The following DST variants were observed in gnomAD, a reference collection of about 807,000 sequenced individuals.
The protein encoded by DST is bullous pemphigoid antigen.
In DST, 253 loss-of-function variants were observed where a neutral mutation model predicts 875.2. That is an observed-to-expected ratio of 0.29 (90% confidence interval 0.26 to 0.32). The LOEUF (loss-of-function observed/expected upper bound fraction) is 0.32, where lower values mean the gene tolerates loss of function less well. Ranked by LOEUF, DST falls within the 10% of genes least tolerant of loss-of-function variation. The pLI, the probability that DST is intolerant of heterozygous loss-of-function variation, is 1.00. For synonymous variants in DST, 3,124 were observed against 3,197.1 expected (o/e 0.98, Z 0.77); for missense variants, 8,287 against 9,111.6 (o/e 0.91, Z 3.68).
intron 2 of DST, among the ~76,000 whole-genome samples, chr6:56,910,545 C>T (rs1592370004): frequency 6.6e-6 from 1 of 152,050 alleles, no homozygotes; most frequent in Non-Finnish European, 1.5e-5. Flanking sequence ...AGTACAGTGG[C>T]ATGCTGTCAG....
chr6:56,880,633 G>A (rs1307772316), intron 3 of DST, among the ~76,000 whole-genome samples: 2 of 150,188 alleles, frequency 1.3e-5, no homozygotes, highest in African/African-American at 2.5e-5. Context: ...GTTGCAGTGA[G>A]CCAAGATCAC....
At chr6:56,885,369 A>AT (rs1366480373) in intron 3 of DST, among the ~76,000 whole-genome samples, 1 of 152,220 alleles carries the variant, frequency 6.6e-6, no homozygotes, top group African/African-American at 2.4e-5. Context: ...TGATAATGCT[A>AT]TTTTTTAATT....
chr6:56,710,036 C>T (rs2099356912), intron 5 of DST, among the ~76,000 whole-genome samples: 1 of 152,138 alleles, frequency 6.6e-6, no homozygotes, highest in South Asian at 2.1e-4. Context: ...TTGAACTTTT[C>T]CTACACAAAG....
At chr6:56,942,967 C>T (rs890151443) in intron 2 of DST, among the ~76,000 whole-genome samples, 4 of 152,042 alleles carry the variant, frequency 2.6e-5, no homozygotes, top group Admixed American at 6.6e-5. Flanking sequence ...GCAATTCTCC[C>T]GCATCTGCCT....
At chr6:56,934,605 A>C in intron 2 of DST, among the ~76,000 whole-genome samples, 1 of 118,268 alleles carries the variant, frequency 8.5e-6, no homozygotes. Flanking sequence ...GAGAGAGAGA[A>C]GGAGGGGAGA....
intron 3 of DST, among the ~76,000 whole-genome samples, chr6:56,875,571 T>A (rs1779288427): frequency 6.6e-6 from 1 of 152,198 alleles, no homozygotes; most frequent in African/African-American, 2.4e-5. Flanking sequence ...TATTTTGGAA[T>A]CAATAACATG....
chr6:56,633,002 A>T lies in DST; in HGVS notation c.3657T>A (p.Val1219=), dbSNP rs1313188681. The T allele has an allele frequency of 6.2e-7, 1 of 1,613,884 alleles. No homozygotes were observed. The highest frequency in any genetic ancestry group is 2.2e-5 in the East Asian group (1 of 44,852). ...CAAAACGAGATTGTAGATTACTTAG[A>T]ACTTGCTGATGTTCACCAGGTAGCA... ...KTMLPGEHQQ[V]LSNLQSRFED... Residue 1219 remains valine (V), a synonymous_variant, in exon 28 of 104, where the codon GTT becomes GTA. Transcript: ENST00000680361.
At chr6:56,614,720 TC>T in intron 36 of DST, 1 of 1,126,232 alleles carries the variant, frequency 8.9e-7, no homozygotes, top group Middle Eastern at 3.7e-4. Flanking sequence ...TGGTCTAACC[TC>T]CCAGCTGTTC....
chr6:56,530,031 A>G lies in DST; in HGVS notation c.17211T>C (p.Asn5737=), dbSNP rs2096867992. Reference sequence around the variant, plus strand: ...ATGCTTGGGTTCCTATGGGTTCACAATTCACCAGCCTCTTTTCTATGGTTG... The same window carrying G: ...ATGCTTGGGTTCCTATGGGTTCACAGTTCACCAGCCTCTTTTCTATGGTTG... ...WLTTIEKRLV[N]CEPIGTQASK... Residue 5737 remains asparagine, a synonymous_variant, in exon 65 of 104, where the codon AAT becomes AAC. Coordinates refer to ENST00000680361, the MANE Select transcript of DST (RefSeq NM_001374736.1). The G allele has an allele frequency of 1.2e-6, 2 of 1,613,418 alleles. No individual in the cohort carries two copies. Among genetic ancestry groups the G allele is most frequent in the Non-Finnish European group, 1.7e-6 (2 of 1,179,708 alleles).
chr6:56,786,366 C>T lies in DST; in HGVS notation c.626-51077G>A, dbSNP rs143094766. ...GCATTCTTCAGAATTTAACACTAAT[C>T]TTGTCTGGCCATTTACAATATCTGA... On this transcript the variant is annotated intron_variant, in intron 4 of 103. Transcript: ENST00000680361. Among the ~76,000 whole-genome samples the T allele has an allele frequency of 2.6e-3, 396 of 152,326 alleles. 1 individual carries two copies. Among genetic ancestry groups the T allele is most frequent in the Middle Eastern group, 0.01 (3 of 294 alleles).
At chr6:56,634,985 T>TA (rs1364217396) in intron 24 of DST, 32 bp from the exon 25 acceptor site, 1 of 1,571,800 alleles carries the variant, frequency 6.4e-7, no homozygotes, top group South Asian at 1.1e-5. Flanking sequence ...TTTTAAGAAG[T>TA]AAAAGACTTG....
chr6:56,609,416 T>A, intron 39 of DST, 72 bp from the exon 40 acceptor site: 1 of 1,079,742 alleles, frequency 9.3e-7, no homozygotes, highest in Non-Finnish European at 1.3e-6. Context: ...GCAACTTAGG[T>A]TTTTTAAAAA....
Position 56,615,638 on chromosome 6 carries a change from CT to C in DST, c.4930-1155del, listed in dbSNP as rs1250512631. 1.2e-6 allele frequency: 2 copies of C among 1,613,886 alleles called. No individual in the cohort carries two copies. The highest frequency in any genetic ancestry group is 2.7e-5 in the African/African-American group (2 of 74,900). On this transcript the variant is annotated intron_variant, in intron 36 of 103. Transcript: ENST00000680361. ...TAAGGCTTCTTTATATGTCAACTTTCTTTTTGTCTGAGGGCATATTATATTT... is the reference window on the plus strand; with the variant it reads ...TAAGGCTTCTTTATATGTCAACTTTCTTTTGTCTGAGGGCATATTATATTT...
intron 2 of DST, among the ~76,000 whole-genome samples, chr6:56,932,343 CCT>C (rs1810792550): frequency 6.6e-6 from 1 of 152,182 alleles, no homozygotes; most frequent in South Asian, 2.1e-4. Flanking sequence ...TCCAATTAAA[CCT>C]CTTTTTCTTC....
chr6:56,602,826 T>A, intron 43 of DST, 56 bp downstream of exon 43: 1 of 1,287,758 alleles, frequency 7.8e-7, no homozygotes, highest in Non-Finnish European at 1.0e-6. Context: ...ACACTTGTTA[T>A]ATATTAAAGT....
intron 69 of DST, among the ~76,000 whole-genome samples, chr6:56,524,178 T>G (rs1232170083): frequency 6.6e-6 from 1 of 152,166 alleles, no homozygotes; most frequent in Non-Finnish European, 1.5e-5. Flanking sequence ...TATATTAGCT[T>G]CTTTATAAAC....
chr6:56,676,935 G>T (rs1439202702), intron 9 of DST, among the ~76,000 whole-genome samples: 1 of 152,086 alleles, frequency 6.6e-6, no homozygotes, highest in African/African-American at 2.4e-5. Flanking sequence ...CAAAATTTCA[G>T]TTAAGAGGAA....
At chr6:56,633,372 G>T (rs1022763638) in intron 27 of DST, among the ~76,000 whole-genome samples, 2 of 148,812 alleles carry the variant, frequency 1.3e-5, no homozygotes, top group African/African-American at 5.1e-5. Context: ...GACTACAGGC[G>T]CCTGCCACTA....
chr6:56,816,327 G>A (rs535571658), intron 4 of DST, among the ~76,000 whole-genome samples: 1 of 152,142 alleles, frequency 6.6e-6, no homozygotes, highest in East Asian at 1.9e-4. Context: ...TTCGCTTCCT[G>A]TAGCGCCAAA....
Sources: allele counts gnomAD v4.1 joint callset (sites outside exome capture counted in the v4.1 genomes callset), GRCh38; gene constraint gnomAD v4.1.1; transcripts MANE v1.5; gene names NCBI Gene and HGNC (gene_info 2026-07-23, HGNC 2026-07-21).